The following BBS9 variants were observed in gnomAD, a reference collection of about 807,000 sequenced individuals.
The protein encoded by BBS9 is Bardet-Biedl syndrome 9.
Under a neutral mutation model 117.7 loss-of-function variants are expected in BBS9, and 89 were observed. The observed-to-expected ratio is 0.76, with a 90% CI of 0.64 to 0.90. The LOEUF is 0.90. Among genes scored for constraint, BBS9 ranks in the 40% least tolerant of loss-of-function variants. The probability of loss-of-function intolerance (pLI) is 0.00; values close to 1 mark genes in which losing one functional copy is unlikely to be tolerated. For synonymous variants in BBS9, 379 were observed against 370.9 expected (o/e 1.02, Z -0.25); for missense variants, 982 against 1,042.2 (o/e 0.94, Z 0.80).
At chr7:33,399,749 CTGTAA>C (rs1828605025) in intron 19 of BBS9, among the ~76,000 whole-genome samples, 2 of 152,108 alleles carry the variant, frequency 1.3e-5, no homozygotes, top group Non-Finnish European at 2.9e-5. Flanking sequence ...GTTAGGTATA[CTGTAA>C]TGACAATGAT....
At chr7:33,284,669 G>C (rs895394507) in intron 9 of BBS9, among the ~76,000 whole-genome samples, 2 of 151,958 alleles carry the variant, frequency 1.3e-5, no homozygotes, top group Non-Finnish European at 2.9e-5. Context: ...ATATCTTTTG[G>C]TTGGCTACTT....
At chr7:33,480,230 A>G (rs1842346293) in intron 19 of BBS9, among the ~76,000 whole-genome samples, 2 of 152,342 alleles carry the variant, frequency 1.3e-5, no homozygotes. Flanking sequence ...TGAAATTACT[A>G]GTGATAGTCA....
chr7:33,377,040 C>T (rs937855295), intron 17 of BBS9, among the ~76,000 whole-genome samples: 7 of 152,092 alleles, frequency 4.6e-5, no homozygotes. Context: ...TGCAGACGCT[C>T]TTTAGTTTAA....
At chr7:33,266,289 C>CA (rs1798809310) in intron 7 of BBS9, among the ~76,000 whole-genome samples, 1 of 152,126 alleles carries the variant, frequency 6.6e-6, no homozygotes, top group Non-Finnish European at 1.5e-5. Context: ...TACCATGGAG[C>CA]AATATCAAAT....
At chr7:33,623,452 T>C (rs934355015) in intron 21 of BBS9, among the ~76,000 whole-genome samples, 14 of 152,306 alleles carry the variant, frequency 9.2e-5, no homozygotes, top group African/African-American at 3.4e-4. Context: ...CTCAACTGTT[T>C]TGGCCAAGAG....
At chr7:33,268,134 C>T (rs536576150) in intron 7 of BBS9, among the ~76,000 whole-genome samples, 1 of 152,296 alleles carries the variant, frequency 6.6e-6, no homozygotes, top group South Asian at 2.1e-4. Flanking sequence ...GGCTGGTGGG[C>T]ACAGGAAATA....
intron 9 of BBS9, among the ~76,000 whole-genome samples, chr7:33,322,356 C>CTTTTTT (rs35411730): frequency 5.9e-4 from 44 of 74,160 alleles, no homozygotes; most frequent in East Asian, 2.1e-3. Context: ...GGGTCTCAGG[C>CTTTTTT]TTTTTTTTTT....
intron 4 of BBS9, among the ~76,000 whole-genome samples, chr7:33,167,431 C>G (rs1795872794): frequency 7.1e-6 from 1 of 140,936 alleles, no homozygotes; most frequent in Non-Finnish European, 1.5e-5. Flanking sequence ...GAAATGGAGT[C>G]TAGCTCTGTT....
At chr7:33,603,344 A>AC (rs985402935) in intron 21 of BBS9, among the ~76,000 whole-genome samples, 26 of 151,828 alleles carry the variant, frequency 1.7e-4, no homozygotes, top group African/African-American at 6.3e-4. Flanking sequence ...AGCCCCTGCC[A>AC]CCACCGCATA....
At chr7:33,291,646 T>A (rs1264805590) in intron 9 of BBS9, among the ~76,000 whole-genome samples, 1 of 152,180 alleles carries the variant, frequency 6.6e-6, no homozygotes, top group African/African-American at 2.4e-5. Flanking sequence ...CATTTGAACC[T>A]CCAAGTGATG....
At chr7:33,147,446 G>A (rs1205024579) in intron 2 of BBS9, among the ~76,000 whole-genome samples, 2 of 152,148 alleles carry the variant, frequency 1.3e-5, no homozygotes, top group Non-Finnish European at 2.9e-5. Flanking sequence ...AGAAGAGTGG[G>A]AGTACTAAAC....
At chr7:33,400,214 T>C (rs918895757) in intron 19 of BBS9, among the ~76,000 whole-genome samples, 10 of 130,196 alleles carry the variant, frequency 7.7e-5, no homozygotes, top group Non-Finnish European at 1.5e-4. Flanking sequence ...AATTTTGTTC[T>C]GTTTGTTGTT....
intron 9 of BBS9, among the ~76,000 whole-genome samples, chr7:33,296,396 A>AT (rs1805284951): frequency 6.6e-6 from 1 of 152,180 alleles, no homozygotes; most frequent in Admixed American, 6.5e-5. Flanking sequence ...TTGATACCCA[A>AT]TTGCTTTAAC....
At chr7:33,518,376 G>A (rs1184904270) in intron 20 of BBS9, among the ~76,000 whole-genome samples, 1 of 148,606 alleles carries the variant, frequency 6.7e-6, no homozygotes, top group African/African-American at 2.5e-5. Flanking sequence ...TCAGCCTCCC[G>A]AGTAGCTGGG....
chr7:33,304,906 G>A (rs948901493), intron 9 of BBS9, among the ~76,000 whole-genome samples: 4 of 152,110 alleles, frequency 2.6e-5, no homozygotes, highest in African/African-American at 4.8e-5. Context: ...GGTGCAAGAT[G>A]TGCTTTGTTA....
intron 19 of BBS9, among the ~76,000 whole-genome samples, chr7:33,493,553 A>G (rs370462861): frequency 6.6e-6 from 1 of 152,340 alleles, no homozygotes; most frequent in East Asian, 1.9e-4. Flanking sequence ...GACATTTATT[A>G]AATAAACATT....
intron 19 of BBS9, among the ~76,000 whole-genome samples, chr7:33,475,581 C>T (rs895499320): frequency 2.6e-5 from 4 of 152,046 alleles, no homozygotes; most frequent in Non-Finnish European, 5.9e-5. Context: ...CAGTAGCCAC[C>T]CTGCCTCTCC....
chr7:33,440,002 C>A (rs1477423329), intron 19 of BBS9, among the ~76,000 whole-genome samples: 2 of 152,112 alleles, frequency 1.3e-5, no homozygotes, highest in Admixed American at 1.3e-4. Flanking sequence ...ACACTGTATA[C>A]CAGGAGAAAT....
chr7:33,512,830 C>T (rs926287337), intron 20 of BBS9, among the ~76,000 whole-genome samples: 3 of 152,194 alleles, frequency 2.0e-5, no homozygotes, highest in Non-Finnish European at 4.4e-5. Flanking sequence ...CTCCCTGGCC[C>T]GCTGTTGTTC....
Sources: allele counts gnomAD v4.1 joint callset (sites outside exome capture counted in the v4.1 genomes callset), GRCh38; gene constraint gnomAD v4.1.1; transcripts MANE v1.5; gene names NCBI Gene and HGNC (gene_info 2026-07-23, HGNC 2026-07-21).